The following TENT4B variants were observed in gnomAD, a reference collection of about 807,000 sequenced individuals.
The protein encoded by TENT4B is terminal nucleotidyltransferase 4B, also known as PAP associated domain containing 5.
Under a neutral mutation model 75.0 loss-of-function variants are expected in TENT4B, and 10 were observed. That is an observed-to-expected ratio of 0.13 (90% confidence interval 0.08 to 0.23). The LOEUF is 0.23. TENT4B is among the 10% of genes least tolerant of loss of function. The probability of loss-of-function intolerance (pLI) is 1.00; values close to 1 mark genes in which losing one functional copy is unlikely to be tolerated. For missense variants in TENT4B, 579 were observed against 893.8 expected (o/e 0.65, Z 4.49); for synonymous variants, 350 against 357.7 (o/e 0.98, Z 0.24).
At position 50,190,485 on chromosome 16, in the gene TENT4B, C is replaced by G. The variant is rs78123898; in HGVS notation, c.639-20838C>G. 6.2e-3 allele frequency among the ~76,000 whole-genome samples: 938 copies of G among 152,038 alleles called. 22 individuals carry two copies. The highest frequency in any genetic ancestry group is 0.022 in the African/African-American group (902 of 41,350). On this transcript the variant is annotated intron_variant, in intron 1 of 11. Transcript: ENST00000561678. The stretch of plus-strand genomic sequence containing the variant: ...CATTCAGTCCTCATGGCCCAATAAT[C>G]TTTATGTCTGTATAGATTTGCCTAT...
Position 50,234,745 on chromosome 16 carries a change from A to T in TENT4B, c.*5417A>T. The T allele has an allele frequency of 2.0e-6, 2 of 985,478 alleles. No homozygotes were observed. Among genetic ancestry groups the T allele is most frequent in the Non-Finnish European group, 2.4e-6 (2 of 829,942 alleles). The allele number at this position is 985,478 out of a possible 1,614,324, so 61.0% of individuals were successfully genotyped here. Reference sequence around the variant, plus strand: ...ACTACTAAAAAGCAGCACTGCCTTAACACACATTGTTATGGGTGAAAAGTG... The same window carrying T: ...ACTACTAAAAAGCAGCACTGCCTTATCACACATTGTTATGGGTGAAAAGTG... On this transcript the variant is annotated 3_prime_UTR_variant, in exon 12 of 12. Transcript: ENST00000561678.
At position 50,229,327 on chromosome 16, in the gene TENT4B, A is replaced by T; in HGVS notation, c.2141A>T (p.Ter714LeuextTer38). 1 of 1,610,732 alleles carries T rather than the reference A, an allele frequency of 6.2e-7. No homozygotes were observed. Among genetic ancestry groups the T allele is most frequent in the Non-Finnish European group, 8.5e-7 (1 of 1,178,454 alleles). ...RDAPLSDLCR[*>L] Reference sequence around the variant, plus strand: ...GCGCCCCTCTCAGACCTCTGTAGATAGTCAGCGCTGCGCGGTGGACTGTCT... The same window carrying T: ...GCGCCCCTCTCAGACCTCTGTAGATTGTCAGCGCTGCGCGGTGGACTGTCT... The change falls in exon 12 of 12, where the codon TAG becomes TTG. Residue 714 changes from the stop codon to leucine, a stop_lost. Coordinates refer to ENST00000561678, the MANE Select transcript of TENT4B (RefSeq NM_001365324.3).
Position 50,223,205 on chromosome 16 carries a change from A to T in TENT4B, c.1199A>T (p.Asn400Ile), listed in dbSNP as rs764460927. 1 of 1,612,928 alleles carries T rather than the reference A, an allele frequency of 6.2e-7. No individual in the cohort carries two copies. The highest frequency in any genetic ancestry group is 1.3e-5 in the African/African-American group (1 of 74,916). ...CCCAGGGAAGATGCTTGCATCCCCAATACAAACTATGGTGTTCTCTTAATA... is the reference window on the plus strand; with the variant it reads ...CCCAGGGAAGATGCTTGCATCCCCATTACAAACTATGGTGTTCTCTTAATA... Reference protein sequence around the residue: ...LHPREDACIPNTNYGVLLIEF... With the variant: ...LHPREDACIPITNYGVLLIEF... The change falls in exon 7 of 12, where the codon AAT becomes ATT. Residue 400 changes from asparagine (N) to isoleucine (I), a missense_variant. Coordinates refer to ENST00000561678, the MANE Select transcript of TENT4B (RefSeq NM_001365324.3).
Position 50,230,872 on chromosome 16 carries a change from G to A in TENT4B, c.*1544G>A, listed in dbSNP as rs1258798012. The A allele has an allele frequency of 3.0e-6, 3 of 985,378 alleles. No individual in the cohort carries two copies. The highest frequency in any genetic ancestry group is 3.6e-6 in the Non-Finnish European group (3 of 829,688). 61.0% of individuals were successfully genotyped at this position (985,378 alleles called of 1,614,324 possible). Reference sequence around the variant, plus strand: ...AAGCTCTTATGTTTAGCATCAATGTGTATGGCTCTGTTAAATGCAGCCATT... The same window carrying A: ...AAGCTCTTATGTTTAGCATCAATGTATATGGCTCTGTTAAATGCAGCCATT... On this transcript the variant is annotated 3_prime_UTR_variant, in exon 12 of 12. Coordinates refer to ENST00000561678, the MANE Select transcript of TENT4B (RefSeq NM_001365324.3).
In TENT4B at chr16:50,234,103, T is replaced by C. The variant is rs2032377045; in HGVS notation, c.*4775T>C. 1.1e-5 allele frequency: 11 copies of C among 985,314 alleles called. No individual in the cohort carries two copies. The highest frequency in any genetic ancestry group is 1.1e-4 in the East Asian group (1 of 8,826). 61.0% of individuals were successfully genotyped at this position (985,314 alleles called of 1,614,324 possible). A position where few individuals can be genotyped will look rare whatever the true frequency, so the allele number is the denominator to read the frequency against. On this transcript the variant is annotated 3_prime_UTR_variant, in exon 12 of 12. Coordinates refer to ENST00000561678, the MANE Select transcript of TENT4B (RefSeq NM_001365324.3). ...ACGTATTTTGGGGGAATGTTATTTA[T>C]CTTAAAGATGCCTAGAAACAAAACG...
chr16:50,195,473 A>G (rs1318963239), intron 1 of TENT4B, among the ~76,000 whole-genome samples: 1 of 152,190 alleles, frequency 6.6e-6, no homozygotes, highest in African/African-American at 2.4e-5. Context: ...AGTCAGAATT[A>G]AGCAGGAAGA....
At position 50,231,090 on chromosome 16, in the gene TENT4B, A is replaced by T; in HGVS notation, c.*1762A>T. The T allele has an allele frequency of 2.6e-5, 26 of 984,534 alleles. No individual in the cohort carries two copies. Among genetic ancestry groups the T allele is most frequent in the Non-Finnish European group, 3.1e-5 (26 of 828,708 alleles). 61.0% of individuals were successfully genotyped at this position (984,534 alleles called of 1,614,324 possible). ...TCATCACTGAAATTAACAATTTTCA[A>T]TATGTTCATATTTTAATTCACAATG... On this transcript the variant is annotated 3_prime_UTR_variant, in exon 12 of 12. Transcript: ENST00000561678.
intron 1 of TENT4B, among the ~76,000 whole-genome samples, chr16:50,163,762 A>G (rs1204228869): frequency 2.0e-5 from 3 of 151,950 alleles, no homozygotes; most frequent in Non-Finnish European, 4.4e-5. Context: ...TTTTATATAT[A>G]TATATATTTT....
At chr16:50,186,894 T>A (rs1217640800) in intron 1 of TENT4B, among the ~76,000 whole-genome samples, 1 of 152,098 alleles carries the variant, frequency 6.6e-6, no homozygotes, top group Non-Finnish European at 1.5e-5. Context: ...TTTTAATTTT[T>A]ATTTTCATTT....
In TENT4B at chr16:50,229,804, A is replaced by G; in HGVS notation, c.*476A>G. 1.0e-6 allele frequency: 1 copy of G among 960,194 alleles called. No individual in the cohort carries two copies. 59.5% of individuals were successfully genotyped at this position (960,194 alleles called of 1,614,324 possible). ...ATGTTTTTTTTTTAAATATTTTTGC[A>G]TATATTTACCATTTTATTGTGTGTA... On this transcript the variant is annotated 3_prime_UTR_variant, in exon 12 of 12. Coordinates refer to ENST00000561678, the MANE Select transcript of TENT4B (RefSeq NM_001365324.3).
chr16:50,172,899 A>G (rs2038233200), intron 1 of TENT4B, among the ~76,000 whole-genome samples: 1 of 152,132 alleles, frequency 6.6e-6, no homozygotes, highest in African/African-American at 2.4e-5. Flanking sequence ...ATATAGTTGG[A>G]ATCATACAGA....
intron 3 of TENT4B, among the ~76,000 whole-genome samples, chr16:50,215,424 A>C (rs1388300180): frequency 6.6e-6 from 1 of 152,234 alleles, no homozygotes; most frequent in Non-Finnish European, 1.5e-5. Context: ...TTAGGTTGTC[A>C]GCATCAGTAA....
chr16:50,232,280 G>A lies in TENT4B; in HGVS notation c.*2952G>A, dbSNP rs1412320551. 1 of 985,276 alleles carries A rather than the reference G, an allele frequency of 1.0e-6. No individual in the cohort carries two copies. Among genetic ancestry groups the A allele is most frequent in the African/African-American group, 1.7e-5 (1 of 57,226 alleles). The allele number at this position is 985,276 out of a possible 1,614,324, so 61.0% of individuals were successfully genotyped here. On this transcript the variant is annotated 3_prime_UTR_variant, in exon 12 of 12. Coordinates refer to ENST00000561678, the MANE Select transcript of TENT4B (RefSeq NM_001365324.3). ...CAGTTTTCAAATCTAGCTTGGATCT[G>A]TAGGACCTATGTTTTTTACAAGTAA...
At chr16:50,206,955 T>C (rs28412491) in intron 1 of TENT4B, among the ~76,000 whole-genome samples, 2 of 151,288 alleles carry the variant, frequency 1.3e-5, no homozygotes, top group African/African-American at 2.4e-5. Context: ...ATTTTTTAAA[T>C]ATGGAATCTG....
chr16:50,153,721 T>C lies in TENT4B; in HGVS notation c.100T>C (p.Tyr34His). Residue 34 changes from tyrosine to histidine, a missense_variant, in exon 1 of 12, where the codon TAC becomes CAC. Coordinates refer to ENST00000561678, the MANE Select transcript of TENT4B (RefSeq NM_001365324.3). ...WETTQGLRNL[Y>H]FNHHCHSSGG... ...GACGACCCAGGGGCTGAGGAACCTC[T>C]ACTTCAACCACCACTGTCACAGCAG... 1 of 1,041,282 alleles carries C rather than the reference T, an allele frequency of 9.6e-7. No individual in the cohort carries two copies. Among genetic ancestry groups the C allele is most frequent in the Non-Finnish European group, 1.2e-6 (1 of 869,150 alleles). 64.5% of individuals were successfully genotyped at this position (1,041,282 alleles called of 1,614,324 possible).
In TENT4B at chr16:50,153,975, C is replaced by T. The variant is rs2037834146; in HGVS notation, c.354C>T (p.Pro118=). 6.5e-7 allele frequency: 1 copy of T among 1,534,190 alleles called. No homozygotes were observed. The highest frequency in any genetic ancestry group is 1.4e-5 in the African/African-American group (1 of 72,996). Residue 118 remains proline (P), a synonymous_variant, in exon 1 of 12, where the codon CCC becomes CCT. Transcript: ENST00000561678. ...ACAACAACAACAACCACCACCAGCC[C>T]GGGGCCTGGGCCCGCCGGGCGGGCT... The part of the protein sequence containing the change: ...TTNNNNNHHQ[P]GAWARRAGSS...
chr16:50,155,947 A>T (rs1055614198), intron 1 of TENT4B, among the ~76,000 whole-genome samples: 8 of 149,928 alleles, frequency 5.3e-5, no homozygotes, highest in African/African-American at 1.7e-4. Context: ...CAAGATGCTT[A>T]TTTTTTTTTT....
intron 1 of TENT4B, among the ~76,000 whole-genome samples, chr16:50,209,514 G>A (rs1213998185): frequency 6.6e-6 from 1 of 152,198 alleles, no homozygotes; most frequent in Non-Finnish European, 1.5e-5. Context: ...CGTCCCCACT[G>A]GGATATCTTC....
chr16:50,223,326 G>A lies in TENT4B; in HGVS notation c.1320G>A (p.Gln440=). ...GGSYVAKDEV[Q]KNMLDGYRPS... Reference sequence around the variant, plus strand: ...CATATGTGGCCAAAGATGAAGTACAGAAAAATATGCTAGATGGCTACAGGC... The same window carrying A: ...CATATGTGGCCAAAGATGAAGTACAAAAAAATATGCTAGATGGCTACAGGC... The change falls in exon 7 of 12, where the codon CAG becomes CAA. Residue 440 remains glutamine, a synonymous_variant. Transcript: ENST00000561678. 1 of 1,613,858 alleles carries A rather than the reference G, an allele frequency of 6.2e-7. No homozygotes were observed. The highest frequency in any genetic ancestry group is 8.5e-7 in the Non-Finnish European group (1 of 1,179,830).
Sources: allele counts gnomAD v4.1 joint callset (sites outside exome capture counted in the v4.1 genomes callset), GRCh38; gene constraint gnomAD v4.1.1; transcripts MANE v1.5; gene names NCBI Gene and HGNC (gene_info 2026-07-23, HGNC 2026-07-21).